Variants in GSPT1 observed in about 807,000 individuals in gnomAD.
The protein encoded by GSPT1 is G1 to S phase transition 1, also known as eukaryotic peptide chain release factor GTP-binding subunit ERF3A.
GSPT1 carries 20 observed loss-of-function variants against 72.5 expected under a neutral mutation model. The observed-to-expected ratio is 0.28, with a 90% CI of 0.19 to 0.40. The LOEUF is 0.40. GSPT1 is among the 10% of genes least tolerant of loss of function. The probability of loss-of-function intolerance (pLI) is 1.00; values close to 1 mark genes in which losing one functional copy is unlikely to be tolerated. For synonymous variants in GSPT1, 334 were observed against 293.5 expected, an observed-to-expected ratio of 1.14 and a Z score of -1.41; for missense variants, 580 against 811.9, an observed-to-expected ratio of 0.71 and a Z score of 3.47.
At chr16:11,880,945 C>G (rs1342162100) in intron 11 of GSPT1, 1 of 152,338 alleles carries the variant, frequency 6.6e-6, no homozygotes, top group African/African-American at 2.4e-5. Flanking sequence ...GTCGCCTGTG[C>G]TGGTGTGCAG....
intron 2 of GSPT1, 51 bp from the exon 3 acceptor site, chr16:11,897,932 T>C (rs1211875845): frequency 2.1e-6 from 3 of 1,434,214 alleles, no homozygotes; most frequent in Admixed American, 3.9e-5. Flanking sequence ...GTATCTAGCT[T>C]TACACACCAT....
intron 1 of GSPT1, chr16:11,908,625 T>G (rs1406200516): frequency 9.5e-6 from 1 of 105,470 alleles, no homozygotes; most frequent in South Asian, 3.0e-4. Flanking sequence ...CCGGGCGTAG[T>G]GGCGGGCGCC....
intron 7 of GSPT1, among the ~76,000 whole-genome samples, chr16:11,887,132 A>G (rs2054195256): frequency 6.6e-6 from 1 of 151,196 alleles, no homozygotes; most frequent in Admixed American, 6.6e-5. Context: ...CCACATTCCC[A>G]AAATCTAGTA....
At position 11,877,355 on chromosome 16, in the gene GSPT1, A is replaced by G. The variant is rs1247297040; in HGVS notation, c.1602+52T>C. The stretch of plus-strand genomic sequence containing the variant: ...TCAGGACAAAAGGCACTGATATTCT[A>G]ATTTCATTTAGACATTAAAACCCAC... On this transcript the variant is annotated intron_variant, in intron 12 of 14. Transcript: ENST00000434724. The surrounding 1 kb of genome is among the most constrained non-coding windows in gnomAD (Gnocchi z 4.0). 3.2e-6 allele frequency: 4 copies of G among 1,250,092 alleles called. No homozygotes were observed. Among genetic ancestry groups the G allele is most frequent in the Non-Finnish European group, 4.5e-6 (4 of 898,196 alleles). 77.4% of individuals were successfully genotyped at this position (1,250,092 alleles called of 1,614,324 possible).
chr16:11,914,917 C>T, intron 1 of GSPT1: 1 of 882,674 alleles, frequency 1.1e-6, no homozygotes, highest in Non-Finnish European at 1.6e-6. Flanking sequence ...GACGCTCTCT[C>T]GGCTGGGCCT....
rs1439432825 is a variant in GSPT1 at position 11,915,699 on chromosome 16, CGCCGCCACT to C, written c.13_21del (p.Ser5_Gly7del). ...CCGCCGCCGCCGCCGCCGCCGCCGC[CGCCGCCACT>C]GCCCGGATCCATGATCGGGGGGGCC... is the stretch of plus-strand genomic sequence containing the variant. On this transcript the variant is annotated inframe_deletion, in exon 1 of 15. Coordinates refer to ENST00000434724, the MANE Select transcript of GSPT1 (RefSeq NM_002094.4). 1 of 1,494,750 alleles carries C rather than the reference CGCCGCCACT, an allele frequency of 6.7e-7. No individual in the cohort carries two copies. The highest frequency in any genetic ancestry group is 1.5e-5 in the African/African-American group (1 of 67,798). The allele number at this position is 1,494,750 out of a possible 1,614,324, so 92.6% of individuals were successfully genotyped here. A position where few individuals can be genotyped will look rare whatever the true frequency, so the allele number is the denominator to read the frequency against.
At chr16:11,882,031 C>G (rs2054129027) in intron 11 of GSPT1, 1 of 152,264 alleles carries the variant, frequency 6.6e-6, no homozygotes, top group Non-Finnish European at 1.5e-5. Flanking sequence ...GCCTGTAATC[C>G]CAGCACTTTG....
At chr16:11,884,626 C>A (rs909995126) in intron 10 of GSPT1, among the ~76,000 whole-genome samples, 1 of 151,848 alleles carries the variant, frequency 6.6e-6, no homozygotes, top group Non-Finnish European at 1.5e-5. Context: ...TAGCTGGATG[C>A]GGTGGCACAC....
chr16:11,898,678 G>A (rs1164209238), intron 1 of GSPT1, among the ~76,000 whole-genome samples: 1 of 151,902 alleles, frequency 6.6e-6, no homozygotes, highest in Non-Finnish European at 1.5e-5. Context: ...TTTGAACTAC[G>A]ACCTCAGGTG....
chr16:11,878,927 T>C (rs2054083781), intron 11 of GSPT1, among the ~76,000 whole-genome samples: 3 of 151,200 alleles, frequency 2.0e-5, no homozygotes, highest in Admixed American at 1.3e-4. Context: ...AAAAAAACAA[T>C]TAGCTTGGCG....
intron 1 of GSPT1, among the ~76,000 whole-genome samples, chr16:11,910,937 G>A (rs1467995889): frequency 6.6e-6 from 1 of 152,124 alleles, no homozygotes; most frequent in Non-Finnish European, 1.5e-5. Flanking sequence ...TCAGTCTCAA[G>A]CCATTCATAC....
chr16:11,879,738 C>CAAAAAA (rs1195456490), intron 11 of GSPT1, among the ~76,000 whole-genome samples: 3 of 84,220 alleles, frequency 3.6e-5, no homozygotes, highest in East Asian at 3.7e-4. Context: ...GACTCCGTCT[C>CAAAAAA]AAAAAAAAAA....
At chr16:11,897,625 T>C (rs115223761) in intron 3 of GSPT1, among the ~76,000 whole-genome samples, 47 of 152,312 alleles carry the variant, frequency 3.1e-4, no homozygotes, top group African/African-American at 1.1e-3. Context: ...TTAAATTGAC[T>C]TGACCATTCC....
chr16:11,906,717 C>T (rs888001873), intron 1 of GSPT1, among the ~76,000 whole-genome samples: 5 of 152,132 alleles, frequency 3.3e-5, no homozygotes, highest in South Asian at 2.1e-4. Flanking sequence ...AGGGTGGTAA[C>T]GATAAAAAAG....
intron 14 of GSPT1, among the ~76,000 whole-genome samples, chr16:11,875,047 A>G (rs455378): frequency 0.97 from 146,976 of 152,180 alleles, 71,075 homozygotes; most frequent in East Asian, 1. Context: ...AAAATTAGCC[A>G]GGCATGGTGG....
At chr16:11,897,944 T>C (rs1368819848) in intron 2 of GSPT1, 50 bp downstream of exon 2, 4 of 1,437,030 alleles carry the variant, frequency 2.8e-6, no homozygotes, top group East Asian at 2.5e-5. Context: ...ACACACCATA[T>C]AGACAACCTA....
chr16:11,913,747 G>A (rs2150895902), intron 1 of GSPT1, among the ~76,000 whole-genome samples: 1 of 152,318 alleles, frequency 6.6e-6, no homozygotes, highest in East Asian at 1.9e-4. Flanking sequence ...AACTAGGTTA[G>A]GCAGTCAAAA....
intron 1 of GSPT1, among the ~76,000 whole-genome samples, chr16:11,905,326 T>G (rs867791818): frequency 2.6e-5 from 4 of 152,192 alleles, no homozygotes; most frequent in African/African-American, 9.7e-5. Context: ...GACTGAGGAA[T>G]TGAATTTTAA....
In GSPT1 at chr16:11,877,368, C is replaced by T. The variant is rs1025032056; in HGVS notation, c.1602+39G>A. The stretch of plus-strand genomic sequence containing the variant: ...CACTGATATTCTAATTTCATTTAGA[C>T]ATTAAAACCCACTATGACAACAACA... On this transcript the variant is annotated intron_variant, in intron 12 of 14. Transcript: ENST00000434724. The surrounding 1 kb of genome is among the most constrained non-coding windows in gnomAD (Gnocchi z 4.0). 2 of 1,398,522 alleles carry T rather than the reference C, an allele frequency of 1.4e-6. No individual in the cohort carries two copies. Among genetic ancestry groups the T allele is most frequent in the Non-Finnish European group, 2.0e-6 (2 of 1,024,720 alleles). 86.6% of individuals were successfully genotyped at this position (1,398,522 alleles called of 1,614,324 possible). A position where few individuals can be genotyped will look rare whatever the true frequency, so the allele number is the denominator to read the frequency against.
Sources: gnomAD v4.1 joint callset for allele counts (sites outside exome capture counted in the v4.1 genomes callset) on GRCh38, gnomAD v4.1.1 for gene constraint, Gnocchi (gnomAD v3.1) non-coding constraint, MANE v1.5 for transcripts, NCBI Gene and HGNC (gene_info 2026-07-23, HGNC 2026-07-21) for gene names.